Variants in IVD observed in about 807,000 individuals in gnomAD.
IVD encodes isovaleryl-CoA dehydrogenase, mitochondrial.
In IVD, 31 loss-of-function variants were observed where a neutral mutation model predicts 51.3. The observed-to-expected ratio is 0.60, with a 90% CI of 0.45 to 0.81. IVD has a LOEUF of 0.81. IVD is among the 40% of genes least tolerant of loss of function. The pLI is 0.00. For synonymous variants in IVD, 205 were observed against 219.4 expected, an observed-to-expected ratio of 0.93 and a Z score of 0.58; for missense variants, 475 against 552.0, an observed-to-expected ratio of 0.86 and a Z score of 1.40.
rs1891984570 is a variant in IVD at position 40,418,701 on chromosome 15, A to G, written c.*438A>G. 8 of 1,118,106 alleles carry G rather than the reference A, an allele frequency of 7.2e-6. No homozygotes were observed. The highest frequency in any genetic ancestry group is 4.9e-5 in the African/African-American group (3 of 61,140). 69.3% of individuals were successfully genotyped at this position (1,118,106 alleles called of 1,614,324 possible). ...GATCTCTCTGCTCAAGCACAGCAGA[A>G]TCATGGCCCCTCTCCATGAATTGGA... On this transcript the variant is annotated 3_prime_UTR_variant, in exon 12 of 12. Transcript: ENST00000487418.
At chr15:40,427,952 C>T (rs1224730858), downstream of IVD, among the ~76,000 whole-genome samples, 3 of 152,030 alleles carry the variant, frequency 2.0e-5, no homozygotes, top group Admixed American at 1.3e-4. Context: ...GAGGCTGAGG[C>T]GGGCAGATCA....
exon 8 of IVD, chr15:40,433,883 A>G (rs1211502398): frequency 1.3e-5 from 6 of 456,724 alleles, no homozygotes; most frequent in Non-Finnish European, 2.6e-5. Context: ...GAGTGTGTTC[A>G]GTAAACATCT....
intron 7 of IVD, among the ~76,000 whole-genome samples, chr15:40,430,296 C>T (rs1411103587): frequency 6.6e-6 from 1 of 152,206 alleles, no homozygotes; most frequent in African/African-American, 2.4e-5. Context: ...ATGTGGTTTT[C>T]ACCCTAGCCT....
In IVD at chr15:40,418,411, C is replaced by A; in HGVS notation, c.*148C>A. Reference sequence around the variant, plus strand: ...GGCCTCTGGATGAGGTTGAGTTCTCCACAACAGCTCCCAAGCATCATGGGC... The same window carrying A: ...GGCCTCTGGATGAGGTTGAGTTCTCAACAACAGCTCCCAAGCATCATGGGC... On this transcript the variant is annotated 3_prime_UTR_variant, in exon 12 of 12. Transcript: ENST00000487418. 6.4e-7 allele frequency: 1 copy of A among 1,557,220 alleles called. No individual in the cohort carries two copies. Among genetic ancestry groups the A allele is most frequent in the East Asian group, 2.3e-5 (1 of 42,806 alleles).
Position 40,411,637 on chromosome 15 carries a change from A to C in IVD, c.633A>C (p.Thr211=), listed in dbSNP as rs769221723. ...DADVLIVYAK[T]DLAAVPASRG... ...ACGTCCTGATTGTCTATGCCAAGACAGATCTGGCTGCTGTGCCAGCTTCTC... is the reference window on the plus strand; with the variant it reads ...ACGTCCTGATTGTCTATGCCAAGACCGATCTGGCTGCTGTGCCAGCTTCTC... The change falls in exon 6 of 12, where the codon ACA becomes ACC. Residue 211 remains threonine, a synonymous_variant. Coordinates refer to ENST00000487418, the MANE Select transcript of IVD (RefSeq NM_002225.5). 1.9e-6 allele frequency: 3 copies of C among 1,614,216 alleles called. No individual in the cohort carries two copies. The Admixed American group carries it at 5.0e-5, about 27-fold the overall frequency.
intron 6 of IVD, 109 bp downstream of exon 6, chr15:40,411,800 G>A (rs1891117192): frequency 7.5e-7 from 1 of 1,341,192 alleles, no homozygotes; most frequent in African/African-American, 1.4e-5. Context: ...GCTCTGCAAG[G>A]CCCCCAGAGG....
In IVD at chr15:40,416,367, G is replaced by A; in HGVS notation, c.1138+5G>A. 1 of 1,613,618 alleles carries A rather than the reference G, an allele frequency of 6.2e-7. No homozygotes were observed. The highest frequency in any genetic ancestry group is 8.5e-7 in the Non-Finnish European group (1 of 1,179,884). On this transcript the variant is annotated splice_donor_5th_base_variant and intron_variant, in intron 11 of 11. Coordinates refer to ENST00000487418, the MANE Select transcript of IVD (RefSeq NM_002225.5). The stretch of plus-strand genomic sequence containing the variant: ...TGGACGGCATTCAGTGTTTTGGTGA[G>A]TGATCCCCACTTCCCAGTCCCGGGG...
downstream of IVD, among the ~76,000 whole-genome samples, chr15:40,428,884 G>A (rs1476685280): frequency 6.6e-6 from 1 of 152,142 alleles, no homozygotes; most frequent in African/African-American, 2.4e-5. Context: ...AGCCCTGCCT[G>A]GGACATCTGC....
chr15:40,432,195 C>A (rs565267034), intron 7 of IVD, among the ~76,000 whole-genome samples: 1 of 152,162 alleles, frequency 6.6e-6, no homozygotes, highest in Non-Finnish European at 1.5e-5. Context: ...CCGCCCACCT[C>A]GGCCCCCCAA....
chr15:40,418,454 G>A lies in IVD; in HGVS notation c.*191G>A. Reference sequence around the variant, plus strand: ...TCATGGGCCTCGCAGCCGGGCCTGTGCCACGGCTAGTGTTGTGTGATTTAA... The same window carrying A: ...TCATGGGCCTCGCAGCCGGGCCTGTACCACGGCTAGTGTTGTGTGATTTAA... On this transcript the variant is annotated 3_prime_UTR_variant, in exon 12 of 12. Transcript: ENST00000487418. The A allele has an allele frequency of 6.8e-7, 1 of 1,471,232 alleles. No homozygotes were observed. Among genetic ancestry groups the A allele is most frequent in the Non-Finnish European group, 9.0e-7 (1 of 1,112,480 alleles). The allele number at this position is 1,471,232 out of a possible 1,614,324, so 91.1% of individuals were successfully genotyped here. A position where few individuals can be genotyped will look rare whatever the true frequency, so the allele number is the denominator to read the frequency against.
At chr15:40,407,275 G>A (rs1890547274) in intron 1 of IVD, among the ~76,000 whole-genome samples, 1 of 152,252 alleles carries the variant, frequency 6.6e-6, no homozygotes, top group East Asian at 1.9e-4. Context: ...GAATGCAGCT[G>A]GAGCACAGAG....
Position 40,411,046 on chromosome 15 carries a change from G to A in IVD, c.457-214G>A, listed in dbSNP as rs766194593. 1.5e-4 allele frequency among the ~76,000 whole-genome samples: 23 copies of A among 152,220 alleles called. No homozygotes were observed. The highest frequency in any genetic ancestry group is 2.8e-4 in the Non-Finnish European group (19 of 68,036). ...GAGAACTCTAAGAAATGGAAGAGTA[G>A]GACTAGCTTCCTTTGCAAAGGGAAT... On this transcript the variant is annotated intron_variant, in intron 4 of 11. Coordinates refer to ENST00000487418, the MANE Select transcript of IVD (RefSeq NM_002225.5).
At position 40,407,673 on chromosome 15, in the gene IVD, TG is replaced by T; in HGVS notation, c.184del (p.Ala62ProfsTer50). The T allele has an allele frequency of 6.2e-7, 1 of 1,614,210 alleles. No homozygotes were observed. The highest frequency in any genetic ancestry group is 8.5e-7 in the Non-Finnish European group (1 of 1,180,024). On this transcript the variant is annotated frameshift_variant, in exon 2 of 12. Transcript: ENST00000487418. LOFTEE classifies it high-confidence loss of function. The stretch of plus-strand genomic sequence containing the variant: ...ATGGCTAAGTTCCTTCAGGAGCACC[TG>T]GCCCCCAAGGCCCAGGAGATCGATC... ...QTMAKFLQEH[L>X]APKAQEIDRS...
intron 3 of IVD, among the ~76,000 whole-genome samples, chr15:40,409,722 G>A (rs1316222101): frequency 1.3e-5 from 2 of 152,150 alleles, no homozygotes; most frequent in African/African-American, 2.4e-5. Context: ...TATATTTTAT[G>A]AGGAGTTCTG....
chr15:40,406,063 C>T, intron 1 of IVD, 92 bp downstream of exon 1: 3 of 1,546,334 alleles, frequency 1.9e-6, no homozygotes, highest in Non-Finnish European at 2.6e-6. Flanking sequence ...CGGCCCAGCG[C>T]CCACCCAGCC....
downstream of IVD, among the ~76,000 whole-genome samples, chr15:40,422,551 G>A (rs1381004894): frequency 7.4e-6 from 1 of 135,306 alleles, no homozygotes; most frequent in African/African-American, 2.7e-5. Flanking sequence ...CCAAAGTGCT[G>A]GGATTACAGG....
chr15:40,407,816 A>C, intron 2 of IVD, 91 bp downstream of exon 2: 1 of 1,456,994 alleles, frequency 6.9e-7, no homozygotes. Flanking sequence ...TTTTCTGGTA[A>C]ATGAAGCCTC....
rs1891483924 is a variant in IVD, at chr15:40,414,951, G to C, written c.847G>C (p.Glu283Gln). The change falls in exon 8 of 12, where the codon GAG (glutamate) becomes CAG (glutamine). Residue 283 changes from glutamate to glutamine, a missense_variant. Physicochemically the swap from Glu to Gln is conservative, Grantham distance 29. Coordinates refer to ENST00000487418, the MANE Select transcript of IVD (RefSeq NM_002225.5). Reference sequence around the variant, plus strand: ...CGTGCTGATGAGTGGGCTGGACCTGGAGCGGCTGGTGCTGGCCGGGGGGCC... The same window carrying C: ...CGTGCTGATGAGTGGGCTGGACCTGCAGCGGCTGGTGCTGGCCGGGGGGCC... ...VYVLMSGLDL[E>Q]RLVLAGGPLG... 6.2e-7 allele frequency: 1 copy of C among 1,613,998 alleles called. No individual in the cohort carries two copies. Among genetic ancestry groups the C allele is most frequent in the South Asian group, 1.1e-5 (1 of 91,072 alleles).
intron 8 of IVD, chr15:40,434,025 C>T (rs1893131636): frequency 4.9e-6 from 2 of 411,830 alleles, no homozygotes; most frequent in Admixed American, 5.4e-5. Flanking sequence ...TCTGTGGCCA[C>T]AGTGCAGGGC....
Sources: gnomAD v4.1 joint callset for allele counts (sites outside exome capture counted in the v4.1 genomes callset) on GRCh38, gnomAD v4.1.1 for gene constraint, MANE v1.5 for transcripts, NCBI Gene and HGNC (gene_info 2026-07-23, HGNC 2026-07-21) for gene names.